Variants in PEX1 observed in about 807,000 individuals in gnomAD.
PEX1 encodes peroxisomal biogenesis factor 1, also known as peroxisomal ATPase PEX1.
Under a neutral mutation model 152.5 loss-of-function variants are expected in PEX1, and 97 were observed. That is an observed-to-expected ratio of 0.64 (90% CI 0.54 to 0.75). The LOEUF (loss-of-function observed/expected upper bound fraction) is 0.75. Ranked by LOEUF, PEX1 falls within the 30% of genes least tolerant of loss-of-function variation. The probability of loss-of-function intolerance (pLI) is 0.00; values close to 1 mark genes in which losing one functional copy is unlikely to be tolerated. For synonymous variants in PEX1, 485 were observed against 531.6 expected (o/e 0.91, Z 1.21); for missense variants, 1,357 against 1,516.3 (o/e 0.89, Z 1.74).
intron 19 of PEX1, 111 bp downstream of exon 19, chr7:92,494,182 C>T: frequency 1.2e-6 from 1 of 818,440 alleles, no homozygotes; most frequent in Non-Finnish European, 2.1e-6. Context: ...AAGCTTTTCC[C>T]TAAGAAAGCT....
At chr7:92,512,650 C>T (rs1378249549) in intron 6 of PEX1, among the ~76,000 whole-genome samples, 1 of 151,890 alleles carries the variant, frequency 6.6e-6, no homozygotes, top group Non-Finnish European at 1.5e-5. Context: ...GCACCACGCC[C>T]CGATAATTTT....
intron 16 of PEX1, among the ~76,000 whole-genome samples, chr7:92,496,996 T>G (rs544530904): frequency 1.3e-5 from 2 of 152,308 alleles, no homozygotes; most frequent in East Asian, 3.9e-4. Context: ...TTCTCATGGC[T>G]TGTTGCTTCA....
intron 9 of PEX1, among the ~76,000 whole-genome samples, chr7:92,508,361 A>C (rs559682872): frequency 6.6e-6 from 1 of 152,032 alleles, no homozygotes; most frequent in South Asian, 2.1e-4. Flanking sequence ...ACATGGTGAA[A>C]CCCCATCTCT....
At chr7:92,511,771 A>G in intron 6 of PEX1, 68 bp from the exon 7 acceptor site, 1 of 1,400,290 alleles carries the variant, frequency 7.1e-7, no homozygotes, top group Admixed American at 1.7e-5. Context: ...CCTTATTTTA[A>G]CATCTGATCT....
intron 15 of PEX1, among the ~76,000 whole-genome samples, chr7:92,500,518 T>C (rs533650108): frequency 6.6e-6 from 1 of 152,332 alleles, no homozygotes; most frequent in Admixed American, 6.5e-5. Context: ...TGAATCTCCA[T>C]GTACTAATGC....
In PEX1 at chr7:92,507,835, G is replaced by A. The variant is rs1050709401; in HGVS notation, c.1671-709C>T. On this transcript the variant is annotated intron_variant, in intron 9 of 23. Coordinates refer to ENST00000248633, the MANE Select transcript of PEX1 (RefSeq NM_000466.3). ...TTTCTGTATTTTTAGTAGAGACAAG[G>A]TTTCACCATGTTGCTCAGGCTCGTC... 5.3e-5 allele frequency: 8 copies of A among 152,038 alleles called. No homozygotes were observed. In the East Asian group the frequency reaches 1.4e-3, roughly 26 times the overall value. The allele number at this position is 152,038 out of a possible 1,614,324, so 9.4% of individuals were successfully genotyped here.
chr7:92,490,804 C>T (rs905022293), intron 21 of PEX1, among the ~76,000 whole-genome samples: 4 of 152,086 alleles, frequency 2.6e-5, no homozygotes, highest in African/African-American at 7.2e-5. Flanking sequence ...TGATACTGCC[C>T]ACATTTAATC....
intron 13 of PEX1, among the ~76,000 whole-genome samples, chr7:92,502,499 T>C (rs1255086611): frequency 6.6e-6 from 1 of 152,214 alleles, no homozygotes; most frequent in Non-Finnish European, 1.5e-5. Context: ...TCAAAACATA[T>C]TCATATTCAA....
At position 92,517,886 on chromosome 7, in the gene PEX1, A is replaced by T. The variant is rs757244597; in HGVS notation, c.629T>A (p.Met210Lys). 2 of 1,547,728 alleles carry T rather than the reference A, an allele frequency of 1.3e-6. No individual in the cohort carries two copies. The highest frequency in any genetic ancestry group is 8.7e-7 in the Non-Finnish European group (1 of 1,153,642). The change falls in exon 5 of 24, where the codon ATG (methionine) becomes AAG (lysine). Residue 210 changes from methionine (M) to lysine (K), a missense_variant. Physicochemically the swap from Met to Lys is moderately conservative, Grantham distance 95 (BLOSUM62 -1). Transcript: ENST00000248633. ...AAGTTGCTTGGTTTGAAGTTCTTTC[A>T]TCATTCCTTTCTGGTCTCTTCCATA... ...HSYGRDQKGM[M>K]KELQTKQLQS...
chr7:92,502,719 A>C (rs1234279550), intron 13 of PEX1, among the ~76,000 whole-genome samples: 1 of 152,220 alleles, frequency 6.6e-6, no homozygotes, highest in Non-Finnish European at 1.5e-5. Flanking sequence ...AAAGGGGACT[A>C]AGTGCCATTA....
intron 16 of PEX1, among the ~76,000 whole-genome samples, chr7:92,499,008 T>C (rs111291946): frequency 8.3e-4 from 126 of 152,306 alleles, no homozygotes; most frequent in African/African-American, 2.9e-3. Flanking sequence ...CATACAACTT[T>C]TAATAGATGG....
At chr7:92,492,538 G>C (rs950718191) in intron 20 of PEX1, among the ~76,000 whole-genome samples, 7 of 152,162 alleles carry the variant, frequency 4.6e-5, no homozygotes, top group African/African-American at 1.7e-4. Context: ...AAAGATACAG[G>C]AGCCATACAA....
chr7:92,520,903 G>T (rs1022438873), intron 2 of PEX1, among the ~76,000 whole-genome samples: 5 of 152,186 alleles, frequency 3.3e-5, no homozygotes, highest in African/African-American at 1.2e-4. Flanking sequence ...TCTGAGGATG[G>T]GACTGGGAAA....
At chr7:92,512,761 A>G (rs1195752805) in intron 6 of PEX1, among the ~76,000 whole-genome samples, 1 of 152,130 alleles carries the variant, frequency 6.6e-6, no homozygotes, top group African/African-American at 2.4e-5. Context: ...AAGTGTTGGG[A>G]TAACAGGCGT....
At chr7:92,526,143 A>G (rs1793258318) in intron 1 of PEX1, among the ~76,000 whole-genome samples, 1 of 152,236 alleles carries the variant, frequency 6.6e-6, no homozygotes, top group Non-Finnish European at 1.5e-5. Flanking sequence ...AACGACCTAG[A>G]TGCTTAAGGT....
At chr7:92,518,094 A>C in intron 4 of PEX1, 47 bp downstream of exon 4, 1 of 1,607,896 alleles carries the variant, frequency 6.2e-7, no homozygotes, top group Non-Finnish European at 8.5e-7. Flanking sequence ...CTTTGGACTC[A>C]ATGCTATAGT....
At chr7:92,515,863 G>A (rs1012087522) in intron 5 of PEX1, among the ~76,000 whole-genome samples, 1 of 151,730 alleles carries the variant, frequency 6.6e-6, no homozygotes. Flanking sequence ...GAGTGGTGGC[G>A]CACACTTGTA....
At chr7:92,495,757 C>T (rs1269783949) in intron 17 of PEX1, among the ~76,000 whole-genome samples, 3 of 151,936 alleles carry the variant, frequency 2.0e-5, no homozygotes, top group African/African-American at 4.8e-5. Flanking sequence ...TAAATCTTGG[C>T]TTTGTGAGCT....
chr7:92,518,904 A>G, intron 3 of PEX1, 91 bp downstream of exon 3: 2 of 964,538 alleles, frequency 2.1e-6, no homozygotes, highest in Non-Finnish European at 3.3e-6. Flanking sequence ...CCAACTCAGA[A>G]TATATAATAA....
Sources: allele counts gnomAD v4.1 joint callset (sites outside exome capture counted in the v4.1 genomes callset), GRCh38; gene constraint gnomAD v4.1.1; transcripts MANE v1.5; gene names NCBI Gene and HGNC (gene_info 2026-07-23, HGNC 2026-07-21).